The following FSD1L variants were observed in gnomAD, a reference collection of about 807,000 sequenced individuals.
FSD1L encodes the protein FSD1-like protein.
FSD1L carries 45 observed loss-of-function variants against 71.6 expected under a neutral mutation model. The ratio of observed to expected loss-of-function variants is 0.63; its 90% CI spans 0.49 to 0.81. The LOEUF (loss-of-function observed/expected upper bound fraction) is 0.81, where lower values mean the gene tolerates loss of function less well. Among genes scored for constraint, FSD1L ranks in the 30% least tolerant of loss-of-function variants. The pLI, the probability that FSD1L is intolerant of heterozygous loss-of-function variation, is 0.00. For missense variants in FSD1L, 561 were observed against 618.1 expected (o/e 0.91, Z 0.98); for synonymous variants, 197 against 207.2 (o/e 0.95, Z 0.42).
chr9:105,470,159 A>G (rs535558496), intron 4 of FSD1L, among the ~76,000 whole-genome samples: 131 of 152,228 alleles, frequency 8.6e-4, no homozygotes, highest in African/African-American at 3.1e-3. Context: ...TTGGGTTCCT[A>G]TAGTTTTGTA....
At chr9:105,469,206 T>C (rs1831275734) in intron 4 of FSD1L, among the ~76,000 whole-genome samples, 1 of 152,234 alleles carries the variant, frequency 6.6e-6, no homozygotes, top group African/African-American at 2.4e-5. Flanking sequence ...TTAGCTATTG[T>C]GAATAATGCT....
intron 12 of FSD1L, among the ~76,000 whole-genome samples, chr9:105,535,675 A>C (rs1272216740): frequency 6.6e-6 from 1 of 152,172 alleles, no homozygotes; most frequent in Non-Finnish European, 1.5e-5. Context: ...AGATCTTAGA[A>C]ATTACCCAAC....
chr9:105,497,336 A>G (rs576983876), intron 7 of FSD1L, among the ~76,000 whole-genome samples: 5 of 152,090 alleles, frequency 3.3e-5, no homozygotes, highest in African/African-American at 1.2e-4. Flanking sequence ...TTTTGGAGTA[A>G]TATCTTTGTC....
chr9:105,483,561 G>T (rs539780228), intron 6 of FSD1L, among the ~76,000 whole-genome samples: 3 of 152,272 alleles, frequency 2.0e-5, no homozygotes, highest in African/African-American at 2.4e-5. Flanking sequence ...ATGAAAAATT[G>T]AAATTTGAGA....
upstream of FSD1L, among the ~76,000 whole-genome samples, chr9:105,447,498 G>A (rs1296759583): frequency 6.6e-6 from 1 of 152,070 alleles, no homozygotes; most frequent in African/African-American, 2.4e-5. Context: ...CAGGTAGCGA[G>A]GTGCCGGGGA....
chr9:105,491,626 G>A (rs1455939578), intron 7 of FSD1L, among the ~76,000 whole-genome samples: 2 of 151,970 alleles, frequency 1.3e-5, no homozygotes, highest in Non-Finnish European at 2.9e-5. Flanking sequence ...TATGATATTG[G>A]CTGTGGGTTT....
At position 105,548,122 on chromosome 9, in the gene FSD1L, GTTGGTAATTTTAAAGAC is replaced by G. The variant is rs1359145227; in HGVS notation, c.*1641_*1657del. On this transcript the variant is annotated 3_prime_UTR_variant, in exon 14 of 14. Coordinates refer to ENST00000481272, the MANE Select transcript of FSD1L (RefSeq NM_001145313.3). ...TATCTGCACTATTATCTGATGACAT[GTTGGTAATTTTAAAGAC>G]TGCAAGGCAGTTTAGAGAATGAAGT... The G allele has an allele frequency of 2.7e-5, 4 of 150,300 alleles. No individual in the cohort carries two copies. The highest frequency in any genetic ancestry group is 5.0e-5 in the African/African-American group (2 of 39,760). The allele number at this position is 150,300 out of a possible 1,614,324, so 9.3% of individuals were successfully genotyped here. A position where few individuals can be genotyped will look rare whatever the true frequency, so the allele number is the denominator to read the frequency against.
Position 105,448,181 on chromosome 9 carries a change from G to A in FSD1L, c.-40G>A. The A allele has an allele frequency of 6.5e-7, 1 of 1,541,440 alleles. No homozygotes were observed. The highest frequency in any genetic ancestry group is 1.4e-5 in the African/African-American group (1 of 71,266). ...CTCGCTGAGCCTCCTCACACGGTTC[G>A]TCGTCTCGGGTTCGAGCCCAGTGGG... is the stretch of plus-strand genomic sequence containing the variant. On this transcript the variant is annotated 5_prime_UTR_variant, in exon 1 of 14. Transcript: ENST00000481272.
chr9:105,479,872 A>G (rs955438898), intron 6 of FSD1L, among the ~76,000 whole-genome samples: 3 of 152,160 alleles, frequency 2.0e-5, no homozygotes, highest in African/African-American at 7.2e-5. Context: ...TTCTATTTCT[A>G]ATGCCACCAC....
At position 105,508,698 on chromosome 9, in the gene FSD1L, T is replaced by C; in HGVS notation, c.878T>C (p.Val293Ala). Residue 293 changes from valine (V) to alanine (A), a missense_variant, in exon 9 of 14, where the codon GTG becomes GCG. Transcript: ENST00000481272. The stretch of plus-strand genomic sequence containing the variant: ...GTGGCTGGAGAGTATTCTGATCCAG[T>C]GACTCTAGAGACCAAAGGTGAGATC... ...KAVAGEYSDP[V>A]TLETKALNFN... The C allele has an allele frequency of 6.5e-7, 1 of 1,546,870 alleles. No individual in the cohort carries two copies. The highest frequency in any genetic ancestry group is 1.2e-5 in the South Asian group (1 of 83,910).
intron 7 of FSD1L, among the ~76,000 whole-genome samples, chr9:105,495,714 C>T (rs1219093264): frequency 3.9e-5 from 6 of 152,190 alleles, no homozygotes; most frequent in South Asian, 2.1e-4. Context: ...CGGTGGCTCA[C>T]GCCTGTAACC....
chr9:105,459,938 C>T (rs1830583054), intron 1 of FSD1L, among the ~76,000 whole-genome samples: 1 of 152,186 alleles, frequency 6.6e-6, no homozygotes, highest in Non-Finnish European at 1.5e-5. Flanking sequence ...CAACTTTTCT[C>T]AGAATGTGGA....
Position 105,498,220 on chromosome 9 carries a change from A to ATTG in FSD1L, c.587-8177_587-8176insGTT, listed in dbSNP as rs879360364. Among the ~76,000 whole-genome samples, 19 of 139,968 alleles carry ATTG rather than the reference A, an allele frequency of 1.4e-4. No individual in the cohort carries two copies. The East Asian group carries it at 1.7e-3, about 12-fold the overall frequency. 91.8% of individuals were successfully genotyped at this position (139,968 alleles called of 152,430 possible). On this transcript the variant is annotated intron_variant, in intron 7 of 13. Coordinates refer to ENST00000481272, the MANE Select transcript of FSD1L (RefSeq NM_001145313.3). ...TATTATTATTATTATTATTATTATT[A>ATTG]TTATTGTTTTTAGTTTACCAAGGCG...
At chr9:105,492,517 T>G (rs1344882541) in intron 7 of FSD1L, among the ~76,000 whole-genome samples, 1 of 152,210 alleles carries the variant, frequency 6.6e-6, no homozygotes, top group Non-Finnish European at 1.5e-5. Flanking sequence ...TGCTTTGATT[T>G]TAGTTATTTC....
intron 7 of FSD1L, among the ~76,000 whole-genome samples, chr9:105,498,979 T>G (rs1256738579): frequency 1.3e-5 from 2 of 152,228 alleles, no homozygotes; most frequent in Non-Finnish European, 2.9e-5. Flanking sequence ...TCTTTTTCTG[T>G]TAAGTGATTT....
chr9:105,461,655 A>T, intron 2 of FSD1L, 40 bp downstream of exon 2: 1 of 1,223,224 alleles, frequency 8.2e-7, no homozygotes, highest in Non-Finnish European at 1.2e-6. Flanking sequence ...TAACTTGAAG[A>T]TCTGATTCAA....
chr9:105,547,257 ATTTTGT>A lies in FSD1L; in HGVS notation c.*776_*781del, dbSNP rs1174668239. 6.6e-6 allele frequency: 1 copy of A among 151,584 alleles called. No individual in the cohort carries two copies. Among genetic ancestry groups the A allele is most frequent in the Admixed American group, 6.6e-5 (1 of 15,140 alleles). The allele number at this position is 151,584 out of a possible 1,614,324, so 9.4% of individuals were successfully genotyped here. A position where few individuals can be genotyped will look rare whatever the true frequency, so the allele number is the denominator to read the frequency against. On this transcript the variant is annotated 3_prime_UTR_variant, in exon 14 of 14. Coordinates refer to ENST00000481272, the MANE Select transcript of FSD1L (RefSeq NM_001145313.3). ...ATTTTTGAAAGCCTTATATTTTTTG[ATTTTGT>A]TGTCTAGTTTAATCCTACCTTTAAT...
At chr9:105,484,707 C>G (rs767215790) in intron 7 of FSD1L, among the ~76,000 whole-genome samples, 5 of 151,684 alleles carry the variant, frequency 3.3e-5, no homozygotes, top group Non-Finnish European at 7.4e-5. Flanking sequence ...AGAATCCTAT[C>G]AAGGGATCTC....
chr9:105,522,227 G>C (rs1451506666), intron 10 of FSD1L: 1 of 1,613,312 alleles, frequency 6.2e-7, no homozygotes, highest in East Asian at 2.2e-5. Flanking sequence ...GGGAAGAGTT[G>C]GCCACTGAGT....
Sources: allele counts gnomAD v4.1 joint callset (sites outside exome capture counted in the v4.1 genomes callset), GRCh38; gene constraint gnomAD v4.1.1; transcripts MANE v1.5; gene names NCBI Gene and HGNC (gene_info 2026-07-23, HGNC 2026-07-21).